Variants in OPHN1 observed in about 807,000 individuals in gnomAD.
OPHN1 encodes oligophrenin-1.
A neutral mutation model predicts 60.7 loss-of-function variants in OPHN1; 11 were observed. That is an observed-to-expected ratio of 0.18 (90% CI 0.11 to 0.30). The LOEUF is 0.30. Ranked by LOEUF, OPHN1 falls within the 10% of genes least tolerant of loss-of-function variation. The pLI, the probability that OPHN1 is intolerant of heterozygous loss-of-function variation, is 1.00. For synonymous variants in OPHN1, 226 were observed against 222.6 expected, an observed-to-expected ratio of 1.02 and a Z score of -0.14; for missense variants, 449 against 611.0, an observed-to-expected ratio of 0.73 and a Z score of 2.80.
At chrX:68,403,105 CA>C (rs2078723768) in intron 2 of OPHN1, among the ~76,000 whole-genome samples, 1 of 112,011 alleles carries the variant, frequency 8.9e-6, no homozygotes, top group African/African-American at 3.2e-5. Flanking sequence ...AAAGCAAAGC[CA>C]AAGATGGAGA....
intron 2 of OPHN1, among the ~76,000 whole-genome samples, chrX:68,404,031 T>C (rs149326303): frequency 5.3e-4 from 59 of 110,572 alleles, no homozygotes; most frequent in African/African-American, 1.8e-3. Flanking sequence ...TAACTTTGTA[T>C]ATATGTAAGT....
chrX:68,266,457 C>A (rs1171052191), intron 5 of OPHN1, among the ~76,000 whole-genome samples: 1 of 110,831 alleles, frequency 9.0e-6, no homozygotes, highest in African/African-American at 3.3e-5. Flanking sequence ...GAAATAAAAT[C>A]CTTTACAGAC....
intron 5 of OPHN1, 39 bp from the exon 6 acceptor site, chrX:68,234,627 A>C (rs766894802): frequency 1.6e-5 from 16 of 971,236 alleles, no homozygotes; most frequent in Non-Finnish European, 2.4e-5. Flanking sequence ...AAATGTCTGT[A>C]GTTGTAACTC....
intron 2 of OPHN1, among the ~76,000 whole-genome samples, chrX:68,397,393 C>T (rs963250007): frequency 1.8e-5 from 2 of 108,125 alleles, no homozygotes; most frequent in Non-Finnish European, 3.8e-5. Flanking sequence ...TAGCTGAATC[C>T]ATTTCCATAC....
At position 68,114,072 on chromosome X, in the gene OPHN1, T is replaced by C. The variant is rs749851480; in HGVS notation, c.1362-833A>G. On this transcript the variant is annotated intron_variant, in intron 16 of 24. Transcript: ENST00000355520. ...GAGATGAATAGAAATAGTCCAAACC[T>C]CCAACGAGCTAATAGTTTAGTAGAA... 2.7e-5 allele frequency among the ~76,000 whole-genome samples: 3 copies of C among 109,878 alleles called. No homozygotes were observed. The East Asian group carries it at 8.7e-4, about 32-fold the overall frequency.
intron 10 of OPHN1, 124 bp from the exon 11 acceptor site, chrX:68,201,834 G>C: frequency 1.8e-6 from 1 of 543,615 alleles, no homozygotes; most frequent in East Asian, 3.3e-5. Flanking sequence ...GCAATGTGTA[G>C]ACTCACTGAG....
intron 20 of OPHN1, among the ~76,000 whole-genome samples, chrX:68,066,997 G>T (rs112246129): frequency 0.013 from 1,446 of 112,313 alleles, 27 homozygotes; most frequent in African/African-American, 0.044. Context: ...TCATAAATAG[G>T]CGTGGGGCCA....
rs187208483 is a variant in OPHN1 at position 68,211,789 on chromosome X, T to C, written c.702+319A>G. 5.7e-3 allele frequency among the ~76,000 whole-genome samples: 637 copies of C among 112,344 alleles called. 3 individuals carry two copies. The highest frequency in any genetic ancestry group is 9.2e-3 in the Middle Eastern group (2 of 217). Reference sequence around the variant, plus strand: ...CTGAGCAGGGAAGTAGCTTAAGGCCTGGGCTCAAATAAGCCTATAGCTATG... The same window carrying C: ...CTGAGCAGGGAAGTAGCTTAAGGCCCGGGCTCAAATAAGCCTATAGCTATG... On this transcript the variant is annotated intron_variant, in intron 8 of 24. Coordinates refer to ENST00000355520, the MANE Select transcript of OPHN1 (RefSeq NM_002547.3).
intron 18 of OPHN1, among the ~76,000 whole-genome samples, chrX:68,111,197 C>G (rs1337527835): frequency 4.5e-5 from 5 of 112,281 alleles, no homozygotes; most frequent in African/African-American, 1.6e-4. Context: ...GAAACTAGAG[C>G]CCAGGTCTGC....
intron 19 of OPHN1, among the ~76,000 whole-genome samples, chrX:68,095,383 A>G (rs931064184): frequency 1.8e-5 from 2 of 112,156 alleles, no homozygotes; most frequent in Non-Finnish European, 3.8e-5. Flanking sequence ...TCTCACTACA[A>G]TGGCAAAGCT....
At chrX:68,124,664 CT>C (rs56914884) in intron 15 of OPHN1, among the ~76,000 whole-genome samples, 4 of 106,051 alleles carry the variant, frequency 3.8e-5, no homozygotes, top group East Asian at 5.9e-4. Flanking sequence ...CAAAACAAGT[CT>C]TTTTTTTTTG....
At position 68,322,110 on chromosome X, in the gene OPHN1, A is replaced by G. The variant is rs187888157; in HGVS notation, c.155-23014T>C. 6.3e-5 allele frequency among the ~76,000 whole-genome samples: 7 copies of G among 110,533 alleles called. 1 individual carries two copies. The Admixed American group carries it at 6.8e-4, about 11-fold the overall frequency. ...CTCAGACTCCACAGTAGTTGGGACTACATGTGTACATCACTGGACCCAGCT... is the reference window on the plus strand; with the variant it reads ...CTCAGACTCCACAGTAGTTGGGACTGCATGTGTACATCACTGGACCCAGCT... On this transcript the variant is annotated intron_variant, in intron 2 of 24. Coordinates refer to ENST00000355520, the MANE Select transcript of OPHN1 (RefSeq NM_002547.3).
At chrX:68,338,659 G>A (rs2078335626) in intron 2 of OPHN1, among the ~76,000 whole-genome samples, 1 of 111,943 alleles carries the variant, frequency 8.9e-6, no homozygotes, top group South Asian at 3.7e-4. Context: ...ACAAAAGTCT[G>A]TTATAAATAT....
chrX:68,091,290 G>C (rs766722565), intron 19 of OPHN1, among the ~76,000 whole-genome samples: 19 of 111,784 alleles, frequency 1.7e-4, no homozygotes, highest in African/African-American at 6.2e-4. Context: ...TAAGTCTACA[G>C]GGGCAGAACC....
At chrX:68,282,844 T>C (rs1325063477) in intron 4 of OPHN1, among the ~76,000 whole-genome samples, 1 of 111,796 alleles carries the variant, frequency 8.9e-6, no homozygotes, top group Non-Finnish European at 1.9e-5. Flanking sequence ...ACAGATGGGA[T>C]TTGCACGTTA....
chrX:68,229,454 A>C (rs1380849269), intron 6 of OPHN1, among the ~76,000 whole-genome samples: 1 of 111,794 alleles, frequency 8.9e-6, no homozygotes. Flanking sequence ...CACATTGCCA[A>C]GACAATCCTA....
At chrX:68,290,280 T>C (rs1224778208) in intron 3 of OPHN1, among the ~76,000 whole-genome samples, 1 of 110,863 alleles carries the variant, frequency 9.0e-6, no homozygotes, top group Non-Finnish European at 1.9e-5. Flanking sequence ...GGCAACATGA[T>C]GAAATTCAAC....
At chrX:68,339,560 GT>G (rs1490484132) in intron 2 of OPHN1, among the ~76,000 whole-genome samples, 1 of 112,196 alleles carries the variant, frequency 8.9e-6, no homozygotes, top group Non-Finnish European at 1.9e-5. Flanking sequence ...TAATAAATAA[GT>G]TCATCAAGGT....
chrX:68,077,866 T>C (rs1016811550), intron 19 of OPHN1, among the ~76,000 whole-genome samples: 3 of 112,090 alleles, frequency 2.7e-5, no homozygotes, highest in Non-Finnish European at 5.6e-5. Flanking sequence ...TTTTTATTGT[T>C]GCTTAAGAAA....
Sources: allele counts gnomAD v4.1 joint callset (sites outside exome capture counted in the v4.1 genomes callset), GRCh38; gene constraint gnomAD v4.1.1; transcripts MANE v1.5; gene names NCBI Gene and HGNC (gene_info 2026-07-23, HGNC 2026-07-21).